Variants in DLG1 observed in about 807,000 individuals in gnomAD.
The protein encoded by DLG1 is disks large homolog 1.
DLG1 carries 42 observed loss-of-function variants against 123.4 expected under a neutral mutation model. That is an observed-to-expected ratio of 0.34 (90% CI 0.27 to 0.44). The LOEUF (loss-of-function observed/expected upper bound fraction) is 0.44, where lower values mean the gene tolerates loss of function less well. Among genes scored for constraint, DLG1 ranks in the 20% least tolerant of loss-of-function variants. The probability of loss-of-function intolerance (pLI) is 1.00; values close to 1 mark genes in which losing one functional copy is unlikely to be tolerated. For missense variants in DLG1, 942 were observed against 1,082.6 expected (o/e 0.87, Z 1.82); for synonymous variants, 317 against 356.2 (o/e 0.89, Z 1.24).
rs530488442 is a variant in DLG1 at position 197,104,358 on chromosome 3, A to G, written c.1546+545T>C. 5.6e-4 allele frequency among the ~76,000 whole-genome samples: 86 copies of G among 152,306 alleles called. 1 individual carries two copies. Among genetic ancestry groups the G allele is most frequent in the African/African-American group, 2.0e-3 (83 of 41,572 alleles). On this transcript the variant is annotated intron_variant, in intron 14 of 24. Transcript: ENST00000667157. ...CACATAATGGGGGTTTTGTGGGTTAAGCTTGTGGATGCCAGTTCCCACATC... is the reference window on the plus strand; with the variant it reads ...CACATAATGGGGGTTTTGTGGGTTAGGCTTGTGGATGCCAGTTCCCACATC...
chr3:197,252,131 G>C (rs1754736979), intron 4 of DLG1, among the ~76,000 whole-genome samples: 1 of 152,046 alleles, frequency 6.6e-6, no homozygotes, highest in Non-Finnish European at 1.5e-5. Context: ...TTTAAGTACA[G>C]GTCTATCATC....
rs757568064 is a variant in DLG1 at position 197,085,805 on chromosome 3, C to T, written c.1662-49G>A. The T allele has an allele frequency of 7.8e-6, 12 of 1,538,922 alleles. No individual in the cohort carries two copies. The African/African-American group carries it at 1.4e-4, about 18-fold the overall frequency. ...CATAATCACTTGTTATAATATTAATCAACATATCATAGGGTTCTGAAAGTA... is the reference window on the plus strand; with the variant it reads ...CATAATCACTTGTTATAATATTAATTAACATATCATAGGGTTCTGAAAGTA... On this transcript the variant is annotated intron_variant, in intron 15 of 24. Coordinates refer to ENST00000667157, the MANE Select transcript of DLG1 (RefSeq NM_001366207.1).
At chr3:197,156,029 A>G (rs775952194) in intron 5 of DLG1, among the ~76,000 whole-genome samples, 17 of 152,244 alleles carry the variant, frequency 1.1e-4, no homozygotes, top group Non-Finnish European at 2.2e-4. Context: ...TTAGTTTAAA[A>G]GCTAACATTA....
intron 4 of DLG1, among the ~76,000 whole-genome samples, chr3:197,275,478 G>A (rs1486766809): frequency 6.6e-6 from 1 of 152,186 alleles, no homozygotes; most frequent in Non-Finnish European, 1.5e-5. Context: ...CCACTGCCAC[G>A]ATAGGGAATT....
intron 4 of DLG1, among the ~76,000 whole-genome samples, chr3:197,237,689 G>T (rs1198749012): frequency 6.6e-6 from 1 of 152,194 alleles, no homozygotes; most frequent in East Asian, 1.9e-4. Flanking sequence ...TAAAGAGACA[G>T]CCCTCTCCAC....
chr3:197,249,194 A>T (rs1753197381), intron 4 of DLG1, among the ~76,000 whole-genome samples: 1 of 152,094 alleles, frequency 6.6e-6, no homozygotes, highest in Non-Finnish European at 1.5e-5. Flanking sequence ...TGACTCAAAT[A>T]AATAAAATCA....
intron 14 of DLG1, among the ~76,000 whole-genome samples, chr3:197,092,093 T>C (rs945868060): frequency 1.3e-5 from 2 of 152,190 alleles, no homozygotes; most frequent in Non-Finnish European, 2.9e-5. Context: ...ATAGCCTTAA[T>C]AGTAGAATGT....
intron 4 of DLG1, among the ~76,000 whole-genome samples, chr3:197,274,224 G>C (rs1765314010): frequency 6.6e-6 from 1 of 152,148 alleles, no homozygotes; most frequent in African/African-American, 2.4e-5. Flanking sequence ...CACCAAGTGA[G>C]CATGGTACTG....
intron 12 of DLG1, among the ~76,000 whole-genome samples, chr3:197,118,489 C>G (rs896251339): frequency 6.6e-6 from 1 of 152,166 alleles, no homozygotes; most frequent in Non-Finnish European, 1.5e-5. Flanking sequence ...ACACTCCTAT[C>G]TGTCCTAAAG....
At chr3:197,290,676 C>T (rs1475019491) in intron 3 of DLG1, among the ~76,000 whole-genome samples, 1 of 152,048 alleles carries the variant, frequency 6.6e-6, no homozygotes, top group Non-Finnish European at 1.5e-5. Context: ...GGCGCAGTGG[C>T]TCACACCTGT....
chr3:197,263,121 T>C (rs547942321), intron 4 of DLG1, among the ~76,000 whole-genome samples: 4 of 152,312 alleles, frequency 2.6e-5, no homozygotes, highest in South Asian at 2.1e-4. Flanking sequence ...TGACTAGGCA[T>C]TGCATTTTGC....
intron 24 of DLG1, among the ~76,000 whole-genome samples, chr3:197,050,302 G>A (rs1378464836): frequency 6.6e-6 from 1 of 151,936 alleles, no homozygotes; most frequent in Non-Finnish European, 1.5e-5. Flanking sequence ...GGAAGGCGGA[G>A]GTTGCAGTGA....
At chr3:197,184,099 C>T in intron 5 of DLG1, 1 of 1,167,318 alleles carries the variant, frequency 8.6e-7, no homozygotes, top group African/African-American at 1.6e-5. Context: ...CCAGCGTCTG[C>T]AGGAACCAAA....
chr3:197,129,337 A>G (rs1053288963), intron 11 of DLG1, among the ~76,000 whole-genome samples: 3 of 152,176 alleles, frequency 2.0e-5, no homozygotes, highest in African/African-American at 7.2e-5. Context: ...CTCATGAACC[A>G]ACCCCTGCTA....
intron 15 of DLG1, among the ~76,000 whole-genome samples, chr3:197,086,764 T>C (rs139745463): frequency 6.6e-6 from 1 of 152,062 alleles, no homozygotes; most frequent in East Asian, 1.9e-4. Flanking sequence ...CATTCAAACA[T>C]AGAGAAGATG....
At chr3:197,220,877 G>A (rs531389130) in intron 4 of DLG1, among the ~76,000 whole-genome samples, 1 of 152,332 alleles carries the variant, frequency 6.6e-6, no homozygotes, top group South Asian at 2.1e-4. Context: ...CATCTTAGAA[G>A]AAGGAAGATA....
At chr3:197,174,057 T>C (rs1198594980) in intron 5 of DLG1, among the ~76,000 whole-genome samples, 1 of 152,230 alleles carries the variant, frequency 6.6e-6, no homozygotes, top group East Asian at 1.9e-4. Context: ...CACTCCAGCC[T>C]GGGCGACACA....
intron 6 of DLG1, 58 bp downstream of exon 6, chr3:197,149,685 C>A: frequency 9.1e-7 from 1 of 1,101,166 alleles, no homozygotes; most frequent in Non-Finnish European, 1.4e-6. Flanking sequence ...GCATTTGTAT[C>A]AAAAAACGGA....
chr3:197,192,181 A>G (rs879805514), intron 5 of DLG1, among the ~76,000 whole-genome samples: 6 of 152,230 alleles, frequency 3.9e-5, no homozygotes, highest in Non-Finnish European at 7.3e-5. Flanking sequence ...CAGAAAAACA[A>G]AAACAAAAAA....
Sources: allele counts gnomAD v4.1 joint callset (sites outside exome capture counted in the v4.1 genomes callset), GRCh38; gene constraint gnomAD v4.1.1; transcripts MANE v1.5; gene names NCBI Gene and HGNC (gene_info 2026-07-23, HGNC 2026-07-21).